DOK5: variants seen among roughly 807,000 people sequenced by gnomAD.
DOK5 encodes docking protein 5, also known as downstream of tyrosine kinase 5.
In DOK5, 27 loss-of-function variants were observed where a neutral mutation model predicts 43.3. The observed-to-expected ratio is 0.62, with a 90% CI of 0.46 to 0.86. The LOEUF (loss-of-function observed/expected upper bound fraction) is 0.86. Ranked by LOEUF, DOK5 falls within the 40% of genes least tolerant of loss-of-function variation. DOK5 has a pLI of 0.00. For synonymous variants in DOK5, 146 were observed against 140.1 expected (o/e 1.04, Z -0.30); for missense variants, 373 against 392.9 (o/e 0.95, Z 0.43).
chr20:54,562,672 C>T (rs987523637), intron 2 of DOK5, among the ~76,000 whole-genome samples: 8 of 152,138 alleles, frequency 5.3e-5, no homozygotes, highest in Non-Finnish European at 1.0e-4. Context: ...CCCTCCTTGG[C>T]CTCCCAAAGT....
chr20:54,638,000 T>G (rs186878734), intron 6 of DOK5, among the ~76,000 whole-genome samples: 13 of 152,002 alleles, frequency 8.6e-5, no homozygotes, highest in Admixed American at 7.9e-4. Flanking sequence ...CGGGCACCTG[T>G]AGTCCCAGTG....
intron 6 of DOK5, 146 bp downstream of exon 6, chr20:54,610,669 C>T: frequency 1.0e-6 from 1 of 993,188 alleles, no homozygotes; most frequent in South Asian, 3.9e-5. Context: ...GATTAAATGG[C>T]ATTCCAGAAT....
chr20:54,500,557 A>ATTTTTTTTT (rs545357915), intron 1 of DOK5, among the ~76,000 whole-genome samples: 7 of 115,458 alleles, frequency 6.1e-5, no homozygotes, highest in African/African-American at 2.0e-4. Flanking sequence ...TACCCAGTGT[A>ATTTTTTTTT]TTTTTTTTTT....
At chr20:54,574,425 G>A (rs1211767673) in intron 2 of DOK5, among the ~76,000 whole-genome samples, 1 of 152,106 alleles carries the variant, frequency 6.6e-6, no homozygotes, top group Non-Finnish European at 1.5e-5. Flanking sequence ...GAAGCTACCT[G>A]AGTGTGTATA....
At chr20:54,593,088 C>A (rs893859082) in intron 5 of DOK5, among the ~76,000 whole-genome samples, 7 of 152,058 alleles carry the variant, frequency 4.6e-5, no homozygotes, top group Admixed American at 1.3e-4. Flanking sequence ...TCTGTTAATT[C>A]CATTTTAATG....
intron 2 of DOK5, among the ~76,000 whole-genome samples, chr20:54,586,989 A>G (rs1985824180): frequency 1.3e-5 from 2 of 152,006 alleles, no homozygotes; most frequent in Non-Finnish European, 2.9e-5. Context: ...ATGCACAGTA[A>G]TATTTCAAGA....
At chr20:54,565,330 CCTCT>C (rs1003182431) in intron 2 of DOK5, among the ~76,000 whole-genome samples, 2 of 152,042 alleles carry the variant, frequency 1.3e-5, no homozygotes, top group African/African-American at 4.8e-5. Flanking sequence ...ATGAATGTGG[CCTCT>C]CTCTCTCAAA....
chr20:54,622,054 C>T (rs1237280441), intron 6 of DOK5, among the ~76,000 whole-genome samples: 3 of 151,814 alleles, frequency 2.0e-5, no homozygotes, highest in Non-Finnish European at 4.4e-5. Flanking sequence ...ATTAGCTGGG[C>T]GTGGTGGCGC....
chr20:54,542,670 T>C (rs1011698068), intron 1 of DOK5, among the ~76,000 whole-genome samples: 6 of 152,158 alleles, frequency 3.9e-5, no homozygotes, highest in Non-Finnish European at 7.4e-5. Flanking sequence ...AAACACATAC[T>C]ACAGGACATA....
chr20:54,630,300 T>C (rs867517066), intron 6 of DOK5, among the ~76,000 whole-genome samples: 9 of 152,184 alleles, frequency 5.9e-5, no homozygotes, highest in Non-Finnish European at 1.2e-4. Context: ...AGAAGTCTTA[T>C]AGAGTAGAGG....
intron 7 of DOK5, among the ~76,000 whole-genome samples, chr20:54,648,188 T>A (rs1404854331): frequency 2.0e-5 from 3 of 152,208 alleles, no homozygotes; most frequent in African/African-American, 7.2e-5. Flanking sequence ...CATTCTTCCA[T>A]CCATCCATTC....
intron 1 of DOK5, among the ~76,000 whole-genome samples, chr20:54,536,352 C>A (rs1292791312): frequency 6.6e-6 from 1 of 152,116 alleles, no homozygotes; most frequent in Non-Finnish European, 1.5e-5. Flanking sequence ...CTGGGTTTAA[C>A]CATGTGAGAT....
chr20:54,597,604 A>C (rs73144055), intron 5 of DOK5, among the ~76,000 whole-genome samples: 9,737 of 152,296 alleles, frequency 0.064, 357 homozygotes, highest in Middle Eastern at 0.11. Context: ...AGGTCCGAAG[A>C]CACAAAGCTG....
intron 1 of DOK5, among the ~76,000 whole-genome samples, chr20:54,539,082 A>T (rs1294923096): frequency 6.6e-6 from 1 of 152,058 alleles, no homozygotes; most frequent in Non-Finnish European, 1.5e-5. Context: ...GGAGTTCAAG[A>T]CCAGCCTACC....
chr20:54,557,863 C>T (rs1456011175), intron 2 of DOK5, among the ~76,000 whole-genome samples: 2 of 152,218 alleles, frequency 1.3e-5, no homozygotes, highest in Admixed American at 6.5e-5. Context: ...GGCACCAGAA[C>T]ATAACACACT....
intron 6 of DOK5, among the ~76,000 whole-genome samples, chr20:54,622,905 A>G (rs547473578): frequency 9.2e-5 from 14 of 152,278 alleles, no homozygotes; most frequent in African/African-American, 3.1e-4. Context: ...TGGGAAGTCA[A>G]GGAGTAAGTT....
chr20:54,608,406 A>T (rs1986537988), intron 5 of DOK5, among the ~76,000 whole-genome samples: 1 of 152,252 alleles, frequency 6.6e-6, no homozygotes, highest in Non-Finnish European at 1.5e-5. Context: ...ACAAAACCTT[A>T]CAGAATTGGA....
At chr20:54,476,252 T>C in intron 1 of DOK5, 1 of 961,408 alleles carries the variant, frequency 1.0e-6, no homozygotes, top group Non-Finnish European at 1.2e-6. Flanking sequence ...CGTGTTGGGC[T>C]TCAGTAGCCC....
Position 54,522,340 on chromosome 20 carries a change from ACACT to A in DOK5, c.67-32590_67-32587del, listed in dbSNP as rs546352254. Among the ~76,000 whole-genome samples the A allele has an allele frequency of 2.0e-4, 31 of 152,318 alleles. No individual in the cohort carries two copies. In the East Asian group the frequency reaches 5.6e-3, roughly 28 times the overall value. On this transcript the variant is annotated intron_variant, in intron 1 of 7. Coordinates refer to ENST00000262593, the MANE Select transcript of DOK5 (RefSeq NM_018431.5). ...CGCAGGTTAGACAAGCTTGCCATAGACACTCAATCAGTACTTACTGAATGAATTA... is the reference window on the plus strand; with the variant it reads ...CGCAGGTTAGACAAGCTTGCCATAGACAATCAGTACTTACTGAATGAATTA...
Sources: gnomAD v4.1 joint callset for allele counts (sites outside exome capture counted in the v4.1 genomes callset) on GRCh38, gnomAD v4.1.1 for gene constraint, MANE v1.5 for transcripts, NCBI Gene and HGNC (gene_info 2026-07-23, HGNC 2026-07-21) for gene names.